The following GNG7 variants were observed in gnomAD, a reference collection of about 807,000 sequenced individuals.
The protein encoded by GNG7 is G protein subunit gamma 7, also known as guanine nucleotide-binding protein G(I)/G(S)/G(O) subunit gamma-7.
A neutral mutation model predicts 4.0 loss-of-function variants in GNG7; 1 was observed. That is an observed-to-expected ratio of 0.25 (90% CI 0.09 to 1.18). The LOEUF is 1.18. Among genes scored for constraint, GNG7 ranks in the 50% most tolerant of loss-of-function variants. GNG7 has a pLI of 0.50. For missense variants in GNG7, 86 were observed against 91.9 expected, an observed-to-expected ratio of 0.94 and a Z score of 0.26; for synonymous variants, 34 against 36.9, an observed-to-expected ratio of 0.92 and a Z score of 0.29.
At chr19:2,643,030 T>C (rs1205369708) in intron 2 of GNG7, 2 of 449,476 alleles carry the variant, frequency 4.4e-6, no homozygotes, top group Non-Finnish European at 8.9e-6. Context: ...CTGCACCATG[T>C]GCACCAGAAA....
At chr19:2,547,374 C>T (rs1234022819) in intron 3 of GNG7, among the ~76,000 whole-genome samples, 1 of 152,098 alleles carries the variant, frequency 6.6e-6, no homozygotes, top group African/African-American at 2.4e-5. Flanking sequence ...TCTTTCCCGC[C>T]TTTCGCCTAG....
intron 1 of GNG7, among the ~76,000 whole-genome samples, chr19:2,696,330 G>GA (rs1217636576): frequency 7.4e-6 from 1 of 135,256 alleles, no homozygotes; most frequent in African/African-American, 3.0e-5. Context: ...AAGAAAGAAA[G>GA]AAAGAAAGAA....
chr19:2,577,544 A>G (rs1334376536), intron 2 of GNG7, among the ~76,000 whole-genome samples: 2 of 151,942 alleles, frequency 1.3e-5, no homozygotes, highest in African/African-American at 4.8e-5. Context: ...CTGCTAAGCT[A>G]GAGTCTTCTG....
rs867947143 is a variant in GNG7, at chr19:2,606,696, A to T, written c.-78+39528T>A. 5.4e-3 allele frequency among the ~76,000 whole-genome samples: 813 copies of T among 151,484 alleles called. 10 individuals are homozygous for T. The highest frequency in any genetic ancestry group is 0.018 in the African/African-American group (735 of 41,304). Reference sequence around the variant, plus strand: ...ATTAATTAATTAATTAATTAATTTAAAAAAAAAGTTAGACCCTGTCTCAAA... The same window carrying T: ...ATTAATTAATTAATTAATTAATTTATAAAAAAAGTTAGACCCTGTCTCAAA... On this transcript the variant is annotated intron_variant, in intron 2 of 4. Transcript: ENST00000382159.
At chr19:2,615,788 T>C (rs1238991941) in intron 2 of GNG7, among the ~76,000 whole-genome samples, 1 of 152,166 alleles carries the variant, frequency 6.6e-6, no homozygotes, top group African/African-American at 2.4e-5. Flanking sequence ...GAAGAGCCAC[T>C]GCTGAGCAAT....
At chr19:2,519,849 C>A (rs1267899416) in intron 4 of GNG7, among the ~76,000 whole-genome samples, 1 of 152,112 alleles carries the variant, frequency 6.6e-6, no homozygotes, top group Non-Finnish European at 1.5e-5. Flanking sequence ...TAAAATAAAT[C>A]TCGACAAGGC....
chr19:2,688,107 G>C (rs1267635353), intron 1 of GNG7, among the ~76,000 whole-genome samples: 1 of 152,158 alleles, frequency 6.6e-6, no homozygotes, highest in Non-Finnish European at 1.5e-5. Flanking sequence ...CAAAAAATTA[G>C]CCGGGCATGG....
At chr19:2,630,769 C>G (rs1032024604) in intron 2 of GNG7, 1 of 151,338 alleles carries the variant, frequency 6.6e-6, no homozygotes, top group African/African-American at 2.4e-5. Context: ...TCTTACCCAG[C>G]CACACTACAT....
At chr19:2,562,946 C>CT (rs935252968) in intron 2 of GNG7, among the ~76,000 whole-genome samples, 103 of 150,144 alleles carry the variant, frequency 6.9e-4, no homozygotes, top group Non-Finnish European at 1.1e-3. Flanking sequence ...TTTTCTTTTT[C>CT]TTTTTTTTTG....
chr19:2,615,161 C>T (rs189816212), intron 2 of GNG7, among the ~76,000 whole-genome samples: 44 of 151,052 alleles, frequency 2.9e-4, no homozygotes, highest in African/African-American at 9.9e-4. Context: ...CCATCTGTGA[C>T]ACTCTTTTTT....
intron 2 of GNG7, among the ~76,000 whole-genome samples, chr19:2,622,822 A>AG (rs1412318938): frequency 6.6e-6 from 1 of 150,694 alleles, no homozygotes; most frequent in Non-Finnish European, 1.5e-5. Context: ...CGCGGCAGAG[A>AG]GGGGGCTTCC....
intron 3 of GNG7, among the ~76,000 whole-genome samples, chr19:2,530,569 A>C (rs576740006): frequency 6.7e-6 from 1 of 150,200 alleles, no homozygotes; most frequent in East Asian, 2.0e-4. Context: ...AAAATACAAA[A>C]ATTAGCTGGA....
intron 2 of GNG7, among the ~76,000 whole-genome samples, chr19:2,639,867 AAAGG>A (rs1219512197): frequency 5.4e-5 from 1 of 18,372 alleles, no homozygotes; most frequent in Non-Finnish European, 1.1e-4. Flanking sequence ...GGGGAGGGAG[AAAGG>A]AAGGAAGGAG....
At chr19:2,575,290 G>A (rs1980274116) in intron 2 of GNG7, among the ~76,000 whole-genome samples, 1 of 152,110 alleles carries the variant, frequency 6.6e-6, no homozygotes, top group Non-Finnish European at 1.5e-5. Context: ...ACTTGCTGTT[G>A]CCAGGAACTA....
At chr19:2,698,302 G>A (rs529843768) in intron 1 of GNG7, among the ~76,000 whole-genome samples, 2 of 151,462 alleles carry the variant, frequency 1.3e-5, no homozygotes, top group African/African-American at 4.9e-5. Flanking sequence ...GGTGGCTCAC[G>A]CCTGTAATCC....
chr19:2,587,167 C>T (rs933572678), intron 2 of GNG7, among the ~76,000 whole-genome samples: 7 of 151,956 alleles, frequency 4.6e-5, no homozygotes, highest in African/African-American at 1.5e-4. Context: ...GGTTTCACCA[C>T]GGAGAGTTGC....
chr19:2,547,078 C>CT (rs1979153283), intron 3 of GNG7, among the ~76,000 whole-genome samples: 1 of 147,878 alleles, frequency 6.8e-6, no homozygotes, highest in African/African-American at 2.5e-5. Context: ...ACGCATGCCC[C>CT]CCCCCCAGAA....
chr19:2,555,815 G>T, intron 2 of GNG7, among the ~76,000 whole-genome samples: 1 of 152,156 alleles, frequency 6.6e-6, no homozygotes, highest in Non-Finnish European at 1.5e-5. Flanking sequence ...TTGGAGCTGC[G>T]GTTTTCCATG....
chr19:2,547,104 T>G (rs1979155136), intron 3 of GNG7, among the ~76,000 whole-genome samples: 1 of 141,728 alleles, frequency 7.1e-6, no homozygotes, highest in Non-Finnish European at 1.5e-5. Context: ...CTACACATCC[T>G]GCAAAGCCCC....
Sources: allele counts gnomAD v4.1 joint callset (sites outside exome capture counted in the v4.1 genomes callset), GRCh38; gene constraint gnomAD v4.1.1; transcripts MANE v1.5; gene names NCBI Gene and HGNC (gene_info 2026-07-23, HGNC 2026-07-21).